NEGR1: variants seen among roughly 807,000 people sequenced by gnomAD.
NEGR1 encodes neuronal growth regulator 1.
A neutral mutation model predicts 40.9 loss-of-function variants in NEGR1; 10 were observed. The ratio of observed to expected loss-of-function variants is 0.24; its 90% CI spans 0.15 to 0.42. The LOEUF (loss-of-function observed/expected upper bound fraction) is 0.42. Ranked by LOEUF, NEGR1 falls within the 10% of genes least tolerant of loss-of-function variation. NEGR1 has a pLI of 1.00. For missense variants in NEGR1, 352 were observed against 438.9 expected (o/e 0.80, Z 1.77); for synonymous variants, 185 against 166.8 (o/e 1.11, Z -0.84).
intron 1 of NEGR1, among the ~76,000 whole-genome samples, chr1:72,249,818 G>A (rs1167366166): frequency 6.6e-6 from 1 of 152,158 alleles, no homozygotes; most frequent in Non-Finnish European, 1.5e-5. Context: ...CTGGAAGGAA[G>A]TTATTCTGAT....
chr1:71,898,527 A>G (rs897010879), intron 2 of NEGR1, among the ~76,000 whole-genome samples: 1 of 152,166 alleles, frequency 6.6e-6, no homozygotes, highest in Non-Finnish European at 1.5e-5. Context: ...AGGCAGGAGA[A>G]TGGCGTGAAC....
At chr1:72,211,582 T>C (rs186786102) in intron 1 of NEGR1, among the ~76,000 whole-genome samples, 7 of 151,150 alleles carry the variant, frequency 4.6e-5, no homozygotes, top group East Asian at 1.9e-4. Flanking sequence ...GCAAAAAATG[T>C]AGGACAATGG....
chr1:71,824,925 T>C (rs1447997305), intron 2 of NEGR1, among the ~76,000 whole-genome samples: 2 of 151,884 alleles, frequency 1.3e-5, no homozygotes, highest in Non-Finnish European at 2.9e-5. Context: ...TTTGAGTTGT[T>C]TTTAGTTTTT....
intron 1 of NEGR1, among the ~76,000 whole-genome samples, chr1:71,975,435 G>A (rs955076351): frequency 6.6e-6 from 1 of 152,166 alleles, no homozygotes; most frequent in Admixed American, 6.5e-5. Flanking sequence ...GACATGATAG[G>A]AGGAGAATTA....
intron 1 of NEGR1, among the ~76,000 whole-genome samples, chr1:72,176,211 T>C (rs1229620296): frequency 6.6e-6 from 1 of 152,112 alleles, no homozygotes; most frequent in Non-Finnish European, 1.5e-5. Context: ...ATGCAAAATT[T>C]TGTATGTTGA....
At chr1:72,263,719 T>C (rs918755386) in intron 1 of NEGR1, among the ~76,000 whole-genome samples, 4 of 151,554 alleles carry the variant, frequency 2.6e-5, no homozygotes, top group African/African-American at 9.7e-5. Flanking sequence ...ATTACTGCTA[T>C]GTAGGCATAT....
At chr1:72,139,760 A>G (rs1407687419) in intron 1 of NEGR1, among the ~76,000 whole-genome samples, 1 of 152,102 alleles carries the variant, frequency 6.6e-6, no homozygotes, top group African/African-American at 2.4e-5. Context: ...CAGGGAGCCT[A>G]GGGAAGCATT....
intron 2 of NEGR1, among the ~76,000 whole-genome samples, chr1:71,874,394 A>T (rs1048824516): frequency 2.0e-5 from 3 of 152,174 alleles, no homozygotes; most frequent in African/African-American, 7.2e-5. Flanking sequence ...GTAAAATAGT[A>T]ATGGTACATA....
chr1:71,595,599 A>G (rs115245968), intron 5 of NEGR1, among the ~76,000 whole-genome samples: 1 of 152,196 alleles, frequency 6.6e-6, no homozygotes, highest in Non-Finnish European at 1.5e-5. Context: ...AATATTCATT[A>G]AATTGCTACA....
At chr1:72,076,247 A>G (rs1261877046) in intron 1 of NEGR1, among the ~76,000 whole-genome samples, 1 of 152,082 alleles carries the variant, frequency 6.6e-6, no homozygotes, top group Non-Finnish European at 1.5e-5. Context: ...TAGAGTCCTC[A>G]TGATAGGAAT....
intron 2 of NEGR1, among the ~76,000 whole-genome samples, chr1:71,878,675 T>C (rs914804407): frequency 6.6e-6 from 1 of 152,144 alleles, no homozygotes; most frequent in Admixed American, 6.5e-5. Flanking sequence ...GCAGTTACCA[T>C]GACCAAAAAC....
intron 6 of NEGR1, among the ~76,000 whole-genome samples, chr1:71,413,316 A>G (rs149981354): frequency 1.2e-4 from 19 of 152,280 alleles, no homozygotes; most frequent in African/African-American, 4.1e-4. Flanking sequence ...AGGCACTCTG[A>G]GGCAATGAGC....
chr1:71,777,855 A>C (rs1351627874), intron 2 of NEGR1, among the ~76,000 whole-genome samples: 1 of 152,076 alleles, frequency 6.6e-6, no homozygotes, highest in Non-Finnish European at 1.5e-5. Context: ...CACCACTGTA[A>C]CTGTTTCCAA....
At chr1:71,756,405 AAC>A (rs757153626) in intron 3 of NEGR1, among the ~76,000 whole-genome samples, 13,839 of 86,076 alleles carry the variant, frequency 0.16, 919 homozygotes, top group African/African-American at 0.23. Flanking sequence ...AAAAAACAAA[AAC>A]AAACAAAAAA....
intron 4 of NEGR1, among the ~76,000 whole-genome samples, chr1:71,680,809 G>T (rs1241137701): frequency 6.6e-6 from 1 of 152,116 alleles, no homozygotes; most frequent in Non-Finnish European, 1.5e-5. Flanking sequence ...TCATTTATTT[G>T]CCAATATATT....
At chr1:71,637,074 C>T (rs1651178764) in intron 4 of NEGR1, among the ~76,000 whole-genome samples, 1 of 151,818 alleles carries the variant, frequency 6.6e-6, no homozygotes, top group African/African-American at 2.4e-5. Context: ...AGGTAGAGAG[C>T]AAAAAATAGG....
chr1:71,633,147 A>G (rs938905176), intron 4 of NEGR1, among the ~76,000 whole-genome samples: 1 of 152,120 alleles, frequency 6.6e-6, no homozygotes, highest in Non-Finnish European at 1.5e-5. Flanking sequence ...CTCAGTTTTT[A>G]GTCCATTTCT....
At position 71,907,648 on chromosome 1, in the gene NEGR1, G is replaced by A. The variant is rs576301156; in HGVS notation, c.409+27431C>T. 2.0e-4 allele frequency among the ~76,000 whole-genome samples: 31 copies of A among 152,192 alleles called. 1 individual carries two copies. In the South Asian group the frequency reaches 6.0e-3, roughly 30 times the overall value. On this transcript the variant is annotated intron_variant, in intron 2 of 6. Transcript: ENST00000357731. ...CATTCCACCCAGCAATCCTATTACC[G>A]AGTTTATATCTCAAAGAAAATAAAT...
At chr1:71,489,958 C>T (rs1175030925) in intron 6 of NEGR1, 1 of 151,874 alleles carries the variant, frequency 6.6e-6, no homozygotes, top group Admixed American at 6.6e-5. Flanking sequence ...AAAGCATTAA[C>T]TTTATGTTAA....
Sources: gnomAD v4.1 joint callset for allele counts (sites outside exome capture counted in the v4.1 genomes callset) on GRCh38, gnomAD v4.1.1 for gene constraint, MANE v1.5 for transcripts, NCBI Gene and HGNC (gene_info 2026-07-23, HGNC 2026-07-21) for gene names.